HOMER1: variants seen among roughly 807,000 people sequenced by gnomAD.
HOMER1 encodes the protein homer scaffold protein 1.
A neutral mutation model predicts 48.9 loss-of-function variants in HOMER1; 3 were observed. The ratio of observed to expected loss-of-function variants is 0.06; its 90% confidence interval spans 0.03 to 0.16. The LOEUF (loss-of-function observed/expected upper bound fraction) is 0.16, where lower values mean the gene tolerates loss of function less well. Among genes scored for constraint, HOMER1 ranks in the 10% least tolerant of loss-of-function variants. HOMER1 has a pLI of 1.00. For missense variants in HOMER1, 247 were observed against 411.4 expected, an observed-to-expected ratio of 0.60 and a Z score of 3.46; for synonymous variants, 134 against 146.4, an observed-to-expected ratio of 0.92 and a Z score of 0.61.
At chr5:79,402,744 A>G (rs1173707837) in intron 5 of HOMER1, among the ~76,000 whole-genome samples, 1 of 152,336 alleles carries the variant, frequency 6.6e-6, no homozygotes, top group East Asian at 1.9e-4. Context: ...GTCAAACCCT[A>G]AAGTACAATG....
intron 8 of HOMER1, among the ~76,000 whole-genome samples, chr5:79,388,771 CTTA>C (rs1437116826): frequency 6.6e-6 from 1 of 151,886 alleles, no homozygotes; most frequent in Non-Finnish European, 1.5e-5. Context: ...TCAATTATTA[CTTA>C]TTATTTTAAA....
intron 8 of HOMER1, among the ~76,000 whole-genome samples, chr5:79,380,014 CA>C (rs34765031): frequency 6.6e-6 from 1 of 152,148 alleles, no homozygotes; most frequent in African/African-American, 2.4e-5. Flanking sequence ...AATCATACTT[CA>C]AATGGATCAT....
At chr5:79,380,614 C>G (rs1044336671) in intron 8 of HOMER1, among the ~76,000 whole-genome samples, 1 of 152,194 alleles carries the variant, frequency 6.6e-6, no homozygotes, top group African/African-American at 2.4e-5. Context: ...GGGATTGCCC[C>G]GCCCCTACCT....
At chr5:79,498,665 G>A (rs941084715) in intron 1 of HOMER1, among the ~76,000 whole-genome samples, 2 of 152,142 alleles carry the variant, frequency 1.3e-5, no homozygotes, top group Admixed American at 1.3e-4. Context: ...GGCAGCATAA[G>A]AGTTTGAAAG....
intron 5 of HOMER1, among the ~76,000 whole-genome samples, chr5:79,434,800 A>C (rs187228779): frequency 5.9e-5 from 9 of 152,330 alleles, no homozygotes; most frequent in Middle Eastern, 3.4e-3. Context: ...CAGCTCATAC[A>C]TTTAAAATTT....
intron 5 of HOMER1, among the ~76,000 whole-genome samples, chr5:79,402,363 T>A (rs1749555605): frequency 1.3e-5 from 2 of 151,878 alleles, no homozygotes; most frequent in Admixed American, 1.3e-4. Context: ...ACAGACGGGG[T>A]TTCCCATGTT....
intron 1 of HOMER1, among the ~76,000 whole-genome samples, chr5:79,464,657 C>CCT (rs1751404641): frequency 6.6e-6 from 1 of 152,170 alleles, no homozygotes; most frequent in African/African-American, 2.4e-5. Flanking sequence ...CTCACCACCT[C>CCT]CTCTCTTTCT....
chr5:79,471,589 C>T (rs560511316), intron 1 of HOMER1, among the ~76,000 whole-genome samples: 33 of 151,198 alleles, frequency 2.2e-4, no homozygotes, highest in African/African-American at 8.0e-4. Flanking sequence ...AAAAAAATGG[C>T]CTAAAGGCCT....
intron 8 of HOMER1, among the ~76,000 whole-genome samples, chr5:79,381,603 G>T (rs1276478066): frequency 6.6e-6 from 1 of 152,164 alleles, no homozygotes; most frequent in Non-Finnish European, 1.5e-5. Context: ...CGCACAAAGA[G>T]GCCAGGTGCA....
intron 8 of HOMER1, among the ~76,000 whole-genome samples, chr5:79,394,386 AAT>A (rs780533706): frequency 3.9e-4 from 60 of 152,214 alleles, no homozygotes; most frequent in Non-Finnish European, 7.2e-4. Flanking sequence ...AATTGGAAAA[AAT>A]ATGTTATTTT....
chr5:79,421,737 T>C (rs1750105844), intron 5 of HOMER1, among the ~76,000 whole-genome samples: 1 of 152,044 alleles, frequency 6.6e-6, no homozygotes, highest in East Asian at 1.9e-4. Flanking sequence ...CCCGAGTAGC[T>C]GGGATTACAG....
chr5:79,472,843 A>G (rs1311254662), intron 1 of HOMER1, among the ~76,000 whole-genome samples: 1 of 152,150 alleles, frequency 6.6e-6, no homozygotes, highest in Non-Finnish European at 1.5e-5. Flanking sequence ...CACCTAGCAA[A>G]CAGATTTGCG....
intron 1 of HOMER1, among the ~76,000 whole-genome samples, chr5:79,484,133 G>A (rs1293223566): frequency 6.6e-6 from 1 of 151,338 alleles, no homozygotes; most frequent in Non-Finnish European, 1.5e-5. Context: ...CTGTATTATT[G>A]TAAGGTTCTT....
intron 3 of HOMER1, among the ~76,000 whole-genome samples, chr5:79,448,619 T>C (rs1027418612): frequency 2.0e-5 from 3 of 152,304 alleles, no homozygotes; most frequent in Non-Finnish European, 2.9e-5. Context: ...CAAACCCTTA[T>C]AATGTTTTGA....
intron 5 of HOMER1, among the ~76,000 whole-genome samples, chr5:79,433,202 A>G (rs946437672): frequency 1.3e-5 from 2 of 152,192 alleles, no homozygotes; most frequent in Non-Finnish European, 2.9e-5. Context: ...ATAGTACCTG[A>G]GAGCTCTTAA....
chr5:79,471,796 A>T (rs897938325), intron 1 of HOMER1, among the ~76,000 whole-genome samples: 1 of 152,122 alleles, frequency 6.6e-6, no homozygotes, highest in Non-Finnish European at 1.5e-5. Flanking sequence ...TGTTCCAGCC[A>T]CAGTGGCCTT....
intron 8 of HOMER1, among the ~76,000 whole-genome samples, chr5:79,391,757 AAAG>A (rs1749260050): frequency 6.6e-6 from 1 of 152,080 alleles, no homozygotes; most frequent in Middle Eastern, 3.4e-3. Context: ...AAAAAAAAGA[AAAG>A]AAAAAGAAAC....
At chr5:79,505,402 C>T (rs1752740955) in intron 1 of HOMER1, among the ~76,000 whole-genome samples, 1 of 152,170 alleles carries the variant, frequency 6.6e-6, no homozygotes, top group Non-Finnish European at 1.5e-5. Flanking sequence ...ATAGACATGA[C>T]ATAATAAACA....
Position 79,500,959 on chromosome 5 carries a change from GACAGACACACAC to G in HOMER1, c.5+11799_5+11810del, listed in dbSNP as rs1317133026. On this transcript the variant is annotated intron_variant, in intron 1 of 8. Transcript: ENST00000334082. ...TGTGTGTGTGTGTGTGTGTGAGACAGACAGACACACACACACACACACACACACACACACAAG... is the reference window on the plus strand; with the variant it reads ...TGTGTGTGTGTGTGTGTGTGAGACAGACACACACACACACACACACACAAG... Among the ~76,000 whole-genome samples the G allele has an allele frequency of 1.2e-4, 15 of 129,998 alleles. No individual in the cohort carries two copies. In the East Asian group the frequency reaches 2.8e-3, roughly 24 times the overall value. The allele number at this position is 129,998 out of a possible 152,430, so 85.3% of individuals were successfully genotyped here.
Sources: gnomAD v4.1 joint callset for allele counts (sites outside exome capture counted in the v4.1 genomes callset) on GRCh38, gnomAD v4.1.1 for gene constraint, MANE v1.5 for transcripts, NCBI Gene and HGNC (gene_info 2026-07-23, HGNC 2026-07-21) for gene names.